YTHDC1: variants seen among roughly 807,000 people sequenced by gnomAD.
YTHDC1 encodes the protein YTH N6-methyladenosine RNA binding protein C1.
Under a neutral mutation model 107.0 loss-of-function variants are expected in YTHDC1, and 12 were observed. The ratio of observed to expected loss-of-function variants is 0.11; its 90% CI spans 0.07 to 0.18. YTHDC1 has a LOEUF of 0.18. YTHDC1 is among the 10% of genes least tolerant of loss of function. The pLI is 1.00. For synonymous variants in YTHDC1, 280 were observed against 289.5 expected (o/e 0.97, Z 0.33); for missense variants, 635 against 898.8 (o/e 0.71, Z 3.75).
At position 68,338,293 on chromosome 4, in the gene YTHDC1, A is replaced by G; in HGVS notation, c.120T>C (p.Asn40=). ...AGAACTCTTACATACCCTTTTTCTC[A>G]TTTTTATCTTGTTCACTCTCTGGAT... The part of the protein sequence containing the change: ...LYNPESEQDK[N]EKKGSKRKSD... Residue 40 remains asparagine, a synonymous_variant, in exon 2 of 17, where the codon AAT becomes AAC. Coordinates refer to ENST00000344157, the MANE Select transcript of YTHDC1 (RefSeq NM_001031732.4). 1 of 1,603,388 alleles carries G rather than the reference A, an allele frequency of 6.2e-7. No homozygotes were observed. Among genetic ancestry groups the G allele is most frequent in the South Asian group, 1.1e-5 (1 of 89,292 alleles).
chr4:68,324,946 CTT>C (rs1033340027), intron 9 of YTHDC1, among the ~76,000 whole-genome samples: 1 of 151,874 alleles, frequency 6.6e-6, no homozygotes, highest in African/African-American at 2.4e-5. Flanking sequence ...TTTTATAGTT[CTT>C]TGTCAACCTA....
chr4:68,324,326 A>G (rs1722750842), intron 9 of YTHDC1, 103 bp from the exon 10 acceptor site: 7 of 1,030,526 alleles, frequency 6.8e-6, no homozygotes, highest in Non-Finnish European at 8.4e-6. Flanking sequence ...CTTAAATGTG[A>G]CTAAATTTTA....
chr4:68,315,692 A>T (rs568292847), intron 16 of YTHDC1, among the ~76,000 whole-genome samples: 1 of 152,160 alleles, frequency 6.6e-6, no homozygotes, highest in African/African-American at 2.4e-5. Context: ...AACTAAAACT[A>T]GAGTCTTTTT....
At chr4:68,342,579 T>G (rs1724952178) in intron 1 of YTHDC1, among the ~76,000 whole-genome samples, 2 of 152,208 alleles carry the variant, frequency 1.3e-5, no homozygotes, top group Admixed American at 1.3e-4. Context: ...GGTAAATATT[T>G]TAATTATATA....
chr4:68,316,657 A>G (rs1721890963), intron 15 of YTHDC1, among the ~76,000 whole-genome samples: 1 of 152,166 alleles, frequency 6.6e-6, no homozygotes, highest in Non-Finnish European at 1.5e-5. Flanking sequence ...TTCTACTCCT[A>G]TCATATAAAT....
intron 10 of YTHDC1, 96 bp downstream of exon 10, chr4:68,324,043 C>G (rs1400267121): frequency 8.9e-7 from 1 of 1,118,614 alleles, no homozygotes; most frequent in Admixed American, 2.4e-5. Context: ...CACGTGGTCT[C>G]TTTCATCAGA....
At position 68,316,298 on chromosome 4, in the gene YTHDC1, C is replaced by G. The variant is rs748415783; in HGVS notation, c.1959+16G>C. The stretch of plus-strand genomic sequence containing the variant: ...CTAAGTAGTTCCCTCACACCTTTGC[C>G]TCCTTGTGCACTTACTACTCGTTTA... On this transcript the variant is annotated intron_variant, in intron 16 of 16. Transcript: ENST00000344157. 6.2e-7 allele frequency: 1 copy of G among 1,604,334 alleles called. No individual in the cohort carries two copies. Among genetic ancestry groups the G allele is most frequent in the Admixed American group, 1.7e-5 (1 of 58,712 alleles).
At chr4:68,318,967 T>C (rs1172563089) in intron 12 of YTHDC1, 105 bp from the exon 13 acceptor site, 18 of 1,240,134 alleles carry the variant, frequency 1.5e-5, no homozygotes, top group African/African-American at 4.5e-5. Context: ...CCATGAAATA[T>C]GTACTTTAAG....
intron 1 of YTHDC1, among the ~76,000 whole-genome samples, chr4:68,343,543 A>AAT (rs35282008): frequency 0.44 from 46,950 of 107,398 alleles, 10,119 homozygotes; most frequent in South Asian, 0.52. Context: ...AAAAAAAAAA[A>AAT]TTTTTTTTTT....
chr4:68,325,833 G>A (rs928329616), intron 9 of YTHDC1, among the ~76,000 whole-genome samples: 9 of 152,160 alleles, frequency 5.9e-5, no homozygotes, highest in African/African-American at 2.2e-4. Flanking sequence ...TGGTCAGTGA[G>A]TAATGAAAAT....
In YTHDC1 at chr4:68,314,054, C is replaced by G. The variant is rs769350398; in HGVS notation, c.*45G>C. 6.4e-7 allele frequency: 1 copy of G among 1,567,632 alleles called. No individual in the cohort carries two copies. Among genetic ancestry groups the G allele is most frequent in the Non-Finnish European group, 8.7e-7 (1 of 1,150,636 alleles). On this transcript the variant is annotated 3_prime_UTR_variant, in exon 17 of 17. Coordinates refer to ENST00000344157, the MANE Select transcript of YTHDC1 (RefSeq NM_001031732.4). ...TGTAAACACACACAAAAAAAAAATA[C>G]AAGATTTTTTGTATCTTTAAACAAT...
chr4:68,313,914 G>T lies in YTHDC1; in HGVS notation c.*185C>A. ...CAACTGTCAGCTGTGGATTTTTGGCGGATTTGAGTTTTTCCAGTTCTTATG... is the reference window on the plus strand; with the variant it reads ...CAACTGTCAGCTGTGGATTTTTGGCTGATTTGAGTTTTTCCAGTTCTTATG... On this transcript the variant is annotated 3_prime_UTR_variant, in exon 17 of 17. Coordinates refer to ENST00000344157, the MANE Select transcript of YTHDC1 (RefSeq NM_001031732.4). 1 of 648,986 alleles carries T rather than the reference G, an allele frequency of 1.5e-6. No individual in the cohort carries two copies. The highest frequency in any genetic ancestry group is 2.6e-6 in the Non-Finnish European group (1 of 381,718). The allele number at this position is 648,986 out of a possible 1,614,324, so 40.2% of individuals were successfully genotyped here.
chr4:68,323,039 G>A, intron 10 of YTHDC1, 124 bp from the exon 11 acceptor site: 1 of 846,008 alleles, frequency 1.2e-6, no homozygotes, highest in Non-Finnish European at 1.8e-6. Context: ...TGATCATATG[G>A]GATTCCAATA....
Position 68,332,830 on chromosome 4 carries a change from C to G in YTHDC1, c.991G>C (p.Glu331Gln). Residue 331 changes from glutamate to glutamine, a missense_variant, in exon 6 of 17, where the codon GAG becomes CAG. Physicochemically the swap from Glu to Gln is conservative, Grantham distance 29. Coordinates refer to ENST00000344157, the MANE Select transcript of YTHDC1 (RefSeq NM_001031732.4). ...ESYAGSEKKH[E>Q]KLSSSVRAVR... ...GCACGAACGGAAGATGATAATTTCT[C>G]ATGCTTCTTTTCTGAACCTGTATTT... 6.2e-7 allele frequency: 1 copy of G among 1,613,276 alleles called. No individual in the cohort carries two copies. The highest frequency in any genetic ancestry group is 8.5e-7 in the Non-Finnish European group (1 of 1,179,594).
At chr4:68,348,868 G>A (rs1725741356) in intron 1 of YTHDC1, among the ~76,000 whole-genome samples, 2 of 152,158 alleles carry the variant, frequency 1.3e-5, no homozygotes, top group Admixed American at 6.5e-5. Context: ...GGTTGAAAAA[G>A]ATCTTAAAGC....
intron 7 of YTHDC1, among the ~76,000 whole-genome samples, chr4:68,331,213 T>C (rs1723545987): frequency 6.6e-6 from 1 of 152,196 alleles, no homozygotes; most frequent in African/African-American, 2.4e-5. Context: ...TGTTTTATTA[T>C]TTCTCATTCC....
chr4:68,349,684 GC>G, intron 1 of YTHDC1, 41 bp downstream of exon 1: 1 of 1,586,958 alleles, frequency 6.3e-7, no homozygotes, highest in Non-Finnish European at 8.6e-7. Context: ...CCACTCCCGG[GC>G]CCCAGCCTCG....
intron 4 of YTHDC1, among the ~76,000 whole-genome samples, chr4:68,335,798 CAT>C (rs981509071): frequency 2.6e-5 from 4 of 151,490 alleles, no homozygotes; most frequent in South Asian, 2.1e-4. Flanking sequence ...ATAAAGATTT[CAT>C]ATGTTTTTAC....
Position 68,330,241 on chromosome 4 carries a change from T to C in YTHDC1, c.1192A>G (p.Ile398Val). ...CTCTCTCTGACAGAAAATATTAAGATAACACTCCTTGCAGATCTAAATGCA... is the reference window on the plus strand; with the variant it reads ...CTCTCTCTGACAGAAAATATTAAGACAACACTCCTTGCAGATCTAAATGCA... ...NLAFRSARSVILIFSVRESGK... is the reference protein window; with the variant it reads ...NLAFRSARSVVLIFSVRESGK... The change falls in exon 8 of 17, where the codon ATC becomes GTC. Residue 398 changes from isoleucine to valine, a missense_variant. Transcript: ENST00000344157. 6.2e-7 allele frequency: 1 copy of C among 1,607,552 alleles called. No homozygotes were observed. The highest frequency in any genetic ancestry group is 8.5e-7 in the Non-Finnish European group (1 of 1,177,034).
Sources: gnomAD v4.1 joint callset for allele counts (sites outside exome capture counted in the v4.1 genomes callset) on GRCh38, gnomAD v4.1.1 for gene constraint, MANE v1.5 for transcripts, NCBI Gene and HGNC (gene_info 2026-07-23, HGNC 2026-07-21) for gene names.